The following TCHHL1 variants were observed in gnomAD, a reference collection of about 807,000 sequenced individuals.
TCHHL1 encodes the protein trichohyalin-like protein 1.
A neutral mutation model predicts 3.5 loss-of-function variants in TCHHL1; 1 was observed. The observed-to-expected ratio is 0.29, with a 90% CI of 0.10 to 1.36. The LOEUF (loss-of-function observed/expected upper bound fraction) is 1.36. Among genes scored for constraint, TCHHL1 ranks in the 40% most tolerant of loss-of-function variants. The probability of loss-of-function intolerance (pLI) is 0.43; values close to 1 mark genes in which losing one functional copy is unlikely to be tolerated. For missense variants in TCHHL1, 1,027 were observed against 1,032.8 expected (o/e 0.99, Z 0.08); for synonymous variants, 405 against 375.3 (o/e 1.08, Z -0.92).
Position 152,088,110 on chromosome 1 carries a change from T to C in TCHHL1, c.34A>G (p.Ile12Val), listed in dbSNP as rs576226161. Residue 12 changes from isoleucine to valine, a missense_variant, in exon 2 of 3, where the codon ATT (isoleucine) becomes GTT (valine). This residue lies in a region of TCHHL1 where 338 missense variants were observed against 335.9 expected (regional missense o/e 1.01). Transcript: ENST00000368806. ...PQLLRNVLCVIETFHKYASED... is the reference protein window; with the variant it reads ...PQLLRNVLCVVETFHKYASED... ...CTGGCATATTTGTGGAATGTCTCAATTACACAGAGGACATTTCTCAGGAGC... is the reference window on the plus strand; with the variant it reads ...CTGGCATATTTGTGGAATGTCTCAACTACACAGAGGACATTTCTCAGGAGC... 6.2e-7 allele frequency: 1 copy of C among 1,606,746 alleles called. No homozygotes were observed. Among genetic ancestry groups the C allele is most frequent in the East Asian group, 2.2e-5 (1 of 44,546 alleles).
At position 152,086,455 on chromosome 1, in the gene TCHHL1, G is replaced by T; in HGVS notation, c.1227C>A (p.Asp409Glu). The T allele has an allele frequency of 2.5e-6, 4 of 1,614,098 alleles. No homozygotes were observed. The highest frequency in any genetic ancestry group is 3.4e-6 in the Non-Finnish European group (4 of 1,180,016). Residue 409 changes from aspartate (D) to glutamate (E), a missense_variant, in exon 3 of 3, where the codon GAC becomes GAA. Around this residue, in one of 3 missense-constraint regions of TCHHL1, gnomAD observed 673 missense variants for 658.6 expected, o/e 1.02. Coordinates refer to ENST00000368806, the MANE Select transcript of TCHHL1 (RefSeq NM_001008536.2). ...CCAGGACTAGTGGCCGAGTTTTTCT[G>T]TCACGTTCTTTCTGCCCTGCTGTTC... ...AHGTAGQKER[D>E]RKTRPLVLET...
rs779265649 is a variant in TCHHL1, at chr1:152,087,365, T to G, written c.317A>C (p.Lys106Thr). The G allele has an allele frequency of 8.1e-6, 13 of 1,613,702 alleles. No homozygotes were observed. The highest frequency in any genetic ancestry group is 3.3e-4 in the Middle Eastern group (2 of 6,082). The change falls in exon 3 of 3, where the codon AAG becomes ACG. Residue 106 changes from lysine to threonine, a missense_variant. Around this residue, in one of 3 missense-constraint regions of TCHHL1, gnomAD observed 338 missense variants for 335.9 expected, o/e 1.01. Coordinates refer to ENST00000368806, the MANE Select transcript of TCHHL1 (RefSeq NM_001008536.2). Reference sequence around the variant, plus strand: ...TGCCTGAACATCCACATCATCTAGCTTCTCCTTCTCTGGTTTAGTCACCTG... The same window carrying G: ...TGCCTGAACATCCACATCATCTAGCGTCTCCTTCTCTGGTTTAGTCACCTG... The part of the protein sequence containing the change: ...LRQVTKPEKE[K>T]LDDVDVQATT...
rs749088271 is a variant in TCHHL1, at chr1:152,085,389, C to T, written c.2293G>A (p.Ala765Thr). ...ACTGAAGAATTGTGCTCTTTCTTGG[C>T]TGGACTTTTTTGGTCACCACCTTCT... Reference protein sequence around the residue: ...AGEGGDQKSPAKKEHNSSVPW... With the variant: ...AGEGGDQKSPTKKEHNSSVPW... The change falls in exon 3 of 3, where the codon GCC becomes ACC. Residue 765 changes from alanine (A) to threonine (T), a missense_variant. This residue lies in a region of TCHHL1 where 673 missense variants were observed against 658.6 expected (regional missense o/e 1.02). Coordinates refer to ENST00000368806, the MANE Select transcript of TCHHL1 (RefSeq NM_001008536.2). 6.2e-7 allele frequency: 1 copy of T among 1,614,220 alleles called. No individual in the cohort carries two copies. Among genetic ancestry groups the T allele is most frequent in the Non-Finnish European group, 8.5e-7 (1 of 1,180,042 alleles).
At position 152,085,918 on chromosome 1, in the gene TCHHL1, G is replaced by C. The variant is rs772501534; in HGVS notation, c.1764C>G (p.His588Gln). ...DQHGESVQGG[H>Q]NNNPDTQRQG... ...GCCTCTGGGTATCTGGGTTATTATTGTGACCTCCTTGCACAGACTCTCCAT... is the reference window on the plus strand; with the variant it reads ...GCCTCTGGGTATCTGGGTTATTATTCTGACCTCCTTGCACAGACTCTCCAT... The change falls in exon 3 of 3, where the codon CAC (histidine) becomes CAG (glutamine). Residue 588 changes from histidine to glutamine, a missense_variant. Around this residue, in one of 3 missense-constraint regions of TCHHL1, gnomAD observed 673 missense variants for 658.6 expected, o/e 1.02. Coordinates refer to ENST00000368806, the MANE Select transcript of TCHHL1 (RefSeq NM_001008536.2). The C allele has an allele frequency of 6.2e-7, 1 of 1,614,142 alleles. No homozygotes were observed. The highest frequency in any genetic ancestry group is 2.2e-5 in the East Asian group (1 of 44,878).
At position 152,086,177 on chromosome 1, in the gene TCHHL1, A is replaced by G. The variant is rs1444927156; in HGVS notation, c.1505T>C (p.Leu502Ser). The change falls in exon 3 of 3, where the codon TTA (leucine) becomes TCA (serine). Residue 502 changes from leucine to serine, a missense_variant. Transcript: ENST00000368806. ...TACAGACTGCTTCTCAAGTGGTGCT[A>G]AATCTTGTGTTCTTTCTCTTGCCCC... ...TLGARERTQD[L>S]APLEKQSVGE... The G allele has an allele frequency of 1.9e-6, 3 of 1,613,974 alleles. No homozygotes were observed. The highest frequency in any genetic ancestry group is 1.7e-6 in the Non-Finnish European group (2 of 1,180,012).
At chr1:152,088,843 G>C (rs1400608370) in intron 1 of TCHHL1, among the ~76,000 whole-genome samples, 177 bp downstream of exon 1, 1 of 152,078 alleles carries the variant, frequency 6.6e-6, no homozygotes, top group Non-Finnish European at 1.5e-5. Context: ...AAAAGAAAAT[G>C]ATCAAAGAAG....
Position 152,085,501 on chromosome 1 carries a change from G to T in TCHHL1, c.2181C>A (p.Asp727Glu). ...GTTGTATCTTGAGGGAGGCTGAATT[G>T]TCCTCATCTAGACTTTCTAACAGAG... ...QNTLLESLDE[D>E]NSASLKIQLE... is the part of the protein sequence containing the mutation. The change falls in exon 3 of 3, where the codon GAC becomes GAA. Residue 727 changes from aspartate (D) to glutamate (E), a missense_variant. Asp to Glu is a conservative substitution (Grantham distance 45). This residue lies in a region of TCHHL1 where 673 missense variants were observed against 658.6 expected (regional missense o/e 1.02). Transcript: ENST00000368806. The T allele has an allele frequency of 6.2e-7, 1 of 1,614,156 alleles. No homozygotes were observed. The highest frequency in any genetic ancestry group is 1.1e-5 in the South Asian group (1 of 91,082).
At position 152,085,006 on chromosome 1, in the gene TCHHL1, CCT is replaced by C. The variant is rs1001833190; in HGVS notation, c.2674_2675del (p.Arg892AlafsTer44). 1.2e-6 allele frequency: 2 copies of C among 1,613,878 alleles called. No homozygotes were observed. The highest frequency in any genetic ancestry group is 2.7e-5 in the African/African-American group (2 of 74,956). On this transcript the variant is annotated frameshift_variant, in exon 3 of 3. Transcript: ENST00000368806. LOFTEE classifies it high-confidence loss of function. ...EDKQGHPQRERLVLQREASTT... is the reference protein window; with the variant it reads ...EDKQGHPQREXLVLQREASTT... ...TGCTTGCCTCCCTTTGTAGTACCAG[CCT>C]CTCTCTCTGAGGGTGACCTTGCTTA... is the stretch of plus-strand genomic sequence containing the variant.
Position 152,085,974 on chromosome 1 carries a change from G to A in TCHHL1, c.1708C>T (p.Gln570Ter). 1 of 1,614,172 alleles carries A rather than the reference G, an allele frequency of 6.2e-7. No individual in the cohort carries two copies. The highest frequency in any genetic ancestry group is 8.5e-7 in the Non-Finnish European group (1 of 1,180,042). The change falls in exon 3 of 3, where the codon CAA becomes TAA. Residue 570 changes from glutamine (Q) to a stop codon, truncating the protein, a stop_gained. Coordinates refer to ENST00000368806, the MANE Select transcript of TCHHL1 (RefSeq NM_001008536.2). LOFTEE classifies it low-confidence loss of function (END_TRUNC). ...SSSETGELPV[Q>*]GDSQSQGDQH... ...TCCCCTTGACTCTGGGAGTCCCCTT[G>A]CACAGGCAGTTCACCTGTCTCTGAG...
At chr1:152,088,917 T>G (rs1657784158) in intron 1 of TCHHL1, 103 bp downstream of exon 1, 1 of 152,194 alleles carries the variant, frequency 6.6e-6, no homozygotes, top group Non-Finnish European at 1.5e-5. Context: ...TAATAGGGGT[T>G]GACATAGACT....
rs1220459244 is a variant in TCHHL1, at chr1:152,085,947, G to GGTCCCCTTGACTCTGGGA, written c.1717_1734dup (p.Ser573_Asp578dup). The GGTCCCCTTGACTCTGGGA allele has an allele frequency of 6.2e-7, 1 of 1,614,160 alleles. No homozygotes were observed. The highest frequency in any genetic ancestry group is 8.5e-7 in the Non-Finnish European group (1 of 1,180,020). ...CCTCCTTGCACAGACTCTCCATGTT[G>GGTCCCCTTGACTCTGGGA]GTCCCCTTGACTCTGGGAGTCCCCT... On this transcript the variant is annotated inframe_insertion, in exon 3 of 3. Coordinates refer to ENST00000368806, the MANE Select transcript of TCHHL1 (RefSeq NM_001008536.2).
In TCHHL1 at chr1:152,084,675, A is replaced by G; in HGVS notation, c.*292T>C. 1 of 292,130 alleles carries G rather than the reference A, an allele frequency of 3.4e-6. No homozygotes were observed. The highest frequency in any genetic ancestry group is 6.7e-5 in the East Asian group (1 of 14,848). The allele number at this position is 292,130 out of a possible 1,614,324, so 18.1% of individuals were successfully genotyped here. A position where few individuals can be genotyped will look rare whatever the true frequency, so the allele number is the denominator to read the frequency against. ...GGAAAAACTGGCACCTGCTAAAGAT[A>G]TGGAAGGAATTTTTCCATTTTTAAT... On this transcript the variant is annotated 3_prime_UTR_variant, in exon 3 of 3. Transcript: ENST00000368806.
At position 152,086,138 on chromosome 1, in the gene TCHHL1, C is replaced by T; in HGVS notation, c.1544G>A (p.Arg515Lys). 6.2e-7 allele frequency: 1 copy of T among 1,614,162 alleles called. No homozygotes were observed. ...LEKQSVGENT[R>K]VTKTHDQPVE... ...TGGTTGGTCATGAGTCTTGGTGACC[C>T]TAGTATTTTCTCCTACAGACTGCTT... Residue 515 changes from arginine to lysine, a missense_variant, in exon 3 of 3, where the codon AGG (arginine) becomes AAG (lysine). Arg to Lys is a conservative substitution (Grantham distance 26, BLOSUM62 2). Transcript: ENST00000368806.
intron 2 of TCHHL1, 70 bp downstream of exon 2, chr1:152,087,936 G>T (rs202139274): frequency 6.6e-7 from 1 of 1,504,892 alleles, no homozygotes; most frequent in African/African-American, 1.4e-5. Context: ...GATCACATAT[G>T]CTCATCTTGC....
At position 152,086,524 on chromosome 1, in the gene TCHHL1, G is replaced by T. The variant is rs1657731520; in HGVS notation, c.1158C>A (p.Asp386Glu). The change falls in exon 3 of 3, where the codon GAC becomes GAA. Residue 386 changes from aspartate to glutamate, a missense_variant. By Grantham distance (45) the Asp-to-Glu change is conservative. Coordinates refer to ENST00000368806, the MANE Select transcript of TCHHL1 (RefSeq NM_001008536.2). The part of the protein sequence containing the change: ...YGSRNGSETS[D>E]MRDERKERRG... Reference sequence around the variant, plus strand: ...TCCTCTCTTTCCTTTCATCTCTCATGTCAGATGTTTCTGAACCATTTCTGC... The same window carrying T: ...TCCTCTCTTTCCTTTCATCTCTCATTTCAGATGTTTCTGAACCATTTCTGC... 1 of 1,614,048 alleles carries T rather than the reference G, an allele frequency of 6.2e-7. No homozygotes were observed. Among genetic ancestry groups the T allele is most frequent in the Non-Finnish European group, 8.5e-7 (1 of 1,180,026 alleles).
At position 152,084,990 on chromosome 1, in the gene TCHHL1, C is replaced by T. The variant is rs1350343274; in HGVS notation, c.2692G>A (p.Glu898Lys). 6.2e-7 allele frequency: 1 copy of T among 1,613,570 alleles called. No individual in the cohort carries two copies. Among genetic ancestry groups the T allele is most frequent in the South Asian group, 1.1e-5 (1 of 91,008 alleles). ...ATTCATTGCTTTGTGGTGCTTGCCT[C>T]CCTTTGTAGTACCAGCCTCTCTCTC... ...PQRERLVLQR[E>K]ASTTKQ The change falls in exon 3 of 3, where the codon GAG becomes AAG. Residue 898 changes from glutamate to lysine, a missense_variant. Coordinates refer to ENST00000368806, the MANE Select transcript of TCHHL1 (RefSeq NM_001008536.2).
chr1:152,085,804 T>C lies in TCHHL1; in HGVS notation c.1878A>G (p.Glu626=). ...GEDVQLTEDQ[E]QPARGEHKNQ... is the part of the protein sequence containing the mutation. ...TCTTGTGTTCTCCTCTGGCAGGCTG[T>C]TCCTGGTCCTCTGTGAGCTGTACAT... Residue 626 remains glutamate (E), a synonymous_variant, in exon 3 of 3, where the codon GAA becomes GAG. Coordinates refer to ENST00000368806, the MANE Select transcript of TCHHL1 (RefSeq NM_001008536.2). 6.2e-7 allele frequency: 1 copy of C among 1,614,192 alleles called. No individual in the cohort carries two copies. The highest frequency in any genetic ancestry group is 8.5e-7 in the Non-Finnish European group (1 of 1,180,032).
chr1:152,086,867 G>A lies in TCHHL1; in HGVS notation c.815C>T (p.Pro272Leu). 1.2e-6 allele frequency: 2 copies of A among 1,614,098 alleles called. No homozygotes were observed. Among genetic ancestry groups the A allele is most frequent in the Non-Finnish European group, 1.7e-6 (2 of 1,180,008 alleles). The change falls in exon 3 of 3, where the codon CCA (proline) becomes CTA (leucine). Residue 272 changes from proline to leucine, a missense_variant. By Grantham distance (98) the Pro-to-Leu change is moderately conservative (BLOSUM62 -3). This residue lies in a region of TCHHL1 where 338 missense variants were observed against 335.9 expected (regional missense o/e 1.01). Coordinates refer to ENST00000368806, the MANE Select transcript of TCHHL1 (RefSeq NM_001008536.2). ...SSPPKEATQRPCEDQEVRTEK... is the reference protein window; with the variant it reads ...SSPPKEATQRLCEDQEVRTEK... ...TGTTCTAACTTCCTGATCTTCACATGGTCTTTGTGTTGCTTCTTTTGGTGG... is the reference window on the plus strand; with the variant it reads ...TGTTCTAACTTCCTGATCTTCACATAGTCTTTGTGTTGCTTCTTTTGGTGG...
chr1:152,086,990 A>C lies in TCHHL1; in HGVS notation c.692T>G (p.Ile231Ser). 6.2e-7 allele frequency: 1 copy of C among 1,610,562 alleles called. No individual in the cohort carries two copies. The highest frequency in any genetic ancestry group is 1.1e-5 in the South Asian group (1 of 90,814). The change falls in exon 3 of 3, where the codon ATC (isoleucine) becomes AGC (serine). Residue 231 changes from isoleucine to serine, a missense_variant. Physicochemically the swap from Ile to Ser is moderately radical, Grantham distance 142 (BLOSUM62 -2). Around this residue, in one of 3 missense-constraint regions of TCHHL1, gnomAD observed 338 missense variants for 335.9 expected, o/e 1.01. Transcript: ENST00000368806. ...GGCTGGTTCATCTCCTTCCTGGGAG[A>C]TCTCCTTATCTTGTCCCTTCCTCTC... ...PTERKGQDKE[I>S]SQEGDEPARE...
Sources: allele counts gnomAD v4.1 joint callset (sites outside exome capture counted in the v4.1 genomes callset), GRCh38; gene constraint gnomAD v4.1.1; regional missense constraint gnomAD v4.1.1; transcripts MANE v1.5; gene names NCBI Gene and HGNC (gene_info 2026-07-23, HGNC 2026-07-21).